PHF21B: variants seen among roughly 807,000 people sequenced by gnomAD.
PHF21B encodes the protein PHD finger protein 4.
PHF21B carries 22 observed loss-of-function variants against 62.2 expected under a neutral mutation model. That is an observed-to-expected ratio of 0.35 (90% CI 0.25 to 0.51). PHF21B has a LOEUF of 0.51. Among genes scored for constraint, PHF21B ranks in the 20% least tolerant of loss-of-function variants. The pLI is 0.97. For synonymous variants in PHF21B, 341 were observed against 314.7 expected, an observed-to-expected ratio of 1.08 and a Z score of -0.88; for missense variants, 701 against 707.9, an observed-to-expected ratio of 0.99 and a Z score of 0.11.
chr22:44,960,745 G>A (rs147544613), intron 2 of PHF21B, among the ~76,000 whole-genome samples: 89 of 152,308 alleles, frequency 5.8e-4, no homozygotes, highest in African/African-American at 2.0e-3. Context: ...AGAGCAAACT[G>A]TCTCAGTAAG....
intron 2 of PHF21B, among the ~76,000 whole-genome samples, chr22:44,964,415 G>A (rs1017119567): frequency 1.3e-5 from 2 of 152,204 alleles, no homozygotes; most frequent in African/African-American, 4.8e-5. Context: ...GTCTCCCACT[G>A]AGCAGCTCAG....
At chr22:44,940,824 TG>T (rs910965839) in intron 2 of PHF21B, among the ~76,000 whole-genome samples, 8 of 151,166 alleles carry the variant, frequency 5.3e-5, no homozygotes, top group Non-Finnish European at 8.9e-5. Flanking sequence ...TGGGCAGGAG[TG>T]GGTGAGATGG....
At position 44,945,728 on chromosome 22, in the gene PHF21B, G is replaced by T. The variant is rs1020519618; in HGVS notation, c.121-25238C>A. On this transcript the variant is annotated intron_variant, in intron 2 of 12. Transcript: ENST00000313237. ...CTGTTGGCAGAATTGGGGGGGGGGT[G>T]GTATAAAGCAGTCCTGCTTACCTTG... Among the ~76,000 whole-genome samples the T allele has an allele frequency of 0.013, 15 of 1,180 alleles. No homozygotes were observed. In the Admixed American group the frequency reaches 0.15, roughly 12 times the overall value. The allele number at this position is 1,180 out of a possible 152,430, so 0.8% of individuals were successfully genotyped here.
rs185713442 is a variant in PHF21B, at chr22:45,006,132, C to T, written c.120+2413G>A. On this transcript the variant is annotated intron_variant, in intron 2 of 12. Coordinates refer to ENST00000313237, the MANE Select transcript of PHF21B (RefSeq NM_138415.5). The stretch of plus-strand genomic sequence containing the variant: ...AACGCAGAGCCTGGGAAAGACAAGG[C>T]GGCTTTATTAGCATGCTGAACCACG... Among the ~76,000 whole-genome samples, 209 of 152,274 alleles carry T rather than the reference C, an allele frequency of 1.4e-3. 1 individual carries two copies. Among genetic ancestry groups the T allele is most frequent in the Admixed American group, 2.7e-3 (42 of 15,306 alleles).
intron 2 of PHF21B, among the ~76,000 whole-genome samples, chr22:44,936,470 G>A (rs764418009): frequency 6.6e-6 from 1 of 152,138 alleles, no homozygotes; most frequent in African/African-American, 2.4e-5. Flanking sequence ...CCAGATCTGC[G>A]TGTGACATCC....
At chr22:45,003,980 TAC>T (rs1266560502) in intron 2 of PHF21B, among the ~76,000 whole-genome samples, 8 of 151,750 alleles carry the variant, frequency 5.3e-5, no homozygotes, top group African/African-American at 1.9e-4. Flanking sequence ...CACACACACA[TAC>T]ATATATACAC....
At position 44,984,709 on chromosome 22, in the gene PHF21B, G is replaced by A. The variant is rs191839963; in HGVS notation, c.120+23836C>T. On this transcript the variant is annotated intron_variant, in intron 2 of 12. Coordinates refer to ENST00000313237, the MANE Select transcript of PHF21B (RefSeq NM_138415.5). The stretch of plus-strand genomic sequence containing the variant: ...TATTAATTTAATTTGTAAGGTGATA[G>A]GACTGCTTATCCTGTTATTTCATGG... Among the ~76,000 whole-genome samples, 250 of 152,336 alleles carry A rather than the reference G, an allele frequency of 1.6e-3. 1 individual carries two copies. Among genetic ancestry groups the A allele is most frequent in the African/African-American group, 5.6e-3 (234 of 41,590 alleles).
At position 44,977,003 on chromosome 22, in the gene PHF21B, T is replaced by C. The variant is rs370616164; in HGVS notation, c.120+31542A>G. ...AGATGCAAAAAAGGTGGCACACTCC[T>C]GTAGTCCCTGCTATTAATACTAGGG... On this transcript the variant is annotated intron_variant, in intron 2 of 12. Coordinates refer to ENST00000313237, the MANE Select transcript of PHF21B (RefSeq NM_138415.5). 7.9e-5 allele frequency among the ~76,000 whole-genome samples: 12 copies of C among 152,180 alleles called. No individual in the cohort carries two copies. The East Asian group carries it at 2.3e-3, about 29-fold the overall frequency.
chr22:44,895,971 C>T (rs2071049653), intron 6 of PHF21B, 61 bp downstream of exon 6: 7 of 1,594,142 alleles, frequency 4.4e-6, no homozygotes, highest in Non-Finnish European at 6.0e-6. Flanking sequence ...ACCTGGCCCC[C>T]AACACCCCGG....
chr22:44,914,610 C>T (rs2071402852), intron 4 of PHF21B, among the ~76,000 whole-genome samples: 1 of 152,228 alleles, frequency 6.6e-6, no homozygotes, highest in Non-Finnish European at 1.5e-5. Context: ...TCCCTCCCCA[C>T]ACCACAGTGC....
chr22:44,900,888 G>A (rs2147272640), intron 5 of PHF21B, among the ~76,000 whole-genome samples: 3 of 151,816 alleles, frequency 2.0e-5, no homozygotes, highest in Non-Finnish European at 4.4e-5. Context: ...TTTCCCCCTG[G>A]AGCACACATC....
chr22:44,999,065 G>A (rs74542230), intron 2 of PHF21B, among the ~76,000 whole-genome samples: 5,444 of 152,224 alleles, frequency 0.036, 127 homozygotes, highest in Middle Eastern at 0.065. Context: ...GTAAAAAACC[G>A]TATAGTACGG....
chr22:44,978,691 C>T (rs1296019781), intron 2 of PHF21B, among the ~76,000 whole-genome samples: 1 of 152,224 alleles, frequency 6.6e-6, no homozygotes. Context: ...TTCTCTGATT[C>T]GGGTAAGGCA....
At chr22:45,007,302 C>T (rs1172877765) in intron 2 of PHF21B, among the ~76,000 whole-genome samples, 1 of 152,018 alleles carries the variant, frequency 6.6e-6, no homozygotes, top group Non-Finnish European at 1.5e-5. Flanking sequence ...AACGCCCGGC[C>T]TCCGAATTCT....
intron 2 of PHF21B, among the ~76,000 whole-genome samples, chr22:45,004,968 G>A (rs537137282): frequency 6.6e-6 from 1 of 152,338 alleles, no homozygotes; most frequent in African/African-American, 2.4e-5. Context: ...TCAAACAGAA[G>A]GCTCTTCCCA....
At chr22:44,971,080 GC>G (rs2072628022) in intron 2 of PHF21B, 1 of 152,170 alleles carries the variant, frequency 6.6e-6, no homozygotes, top group African/African-American at 2.4e-5. Context: ...AAATTCTCAG[GC>G]CCACCCAAGA....
chr22:44,948,181 GTTTATTTCTGTTATTATTACA>G (rs1000717081), intron 2 of PHF21B, among the ~76,000 whole-genome samples: 2 of 152,182 alleles, frequency 1.3e-5, no homozygotes, highest in African/African-American at 4.8e-5. Flanking sequence ...TTATTGTGTA[GTTTATTTCTGTTATTATTACA>G]TTGTAATAGA....
At position 45,009,101 on chromosome 22, in the gene PHF21B, T is replaced by A. The variant is rs1312970906; in HGVS notation, c.54+395A>T. ...GCCAGCAGCGATCGCCAAAACTACTTCTGCACACCGGGCAGGTTCGCCCGG... is the reference window on the plus strand; with the variant it reads ...GCCAGCAGCGATCGCCAAAACTACTACTGCACACCGGGCAGGTTCGCCCGG... On this transcript the variant is annotated intron_variant, in intron 1 of 12. Transcript: ENST00000313237. The surrounding 1 kb of genome is among the most constrained non-coding windows in gnomAD (Gnocchi z 5.9). The A allele has an allele frequency of 1.0e-5, 10 of 957,488 alleles. No homozygotes were observed. The Admixed American group carries it at 2.0e-4, about 19-fold the overall frequency. 59.3% of individuals were successfully genotyped at this position (957,488 alleles called of 1,614,324 possible).
intron 2 of PHF21B, among the ~76,000 whole-genome samples, chr22:44,933,764 CAG>C (rs1219647958): frequency 6.6e-6 from 1 of 151,816 alleles, no homozygotes; most frequent in African/African-American, 2.4e-5. Context: ...GAGACAGAGA[CAG>C]AGAGACAGAC....
Sources: allele counts gnomAD v4.1 joint callset (sites outside exome capture counted in the v4.1 genomes callset), GRCh38; gene constraint gnomAD v4.1.1; non-coding constraint Gnocchi (gnomAD v3.1); transcripts MANE v1.5; gene names NCBI Gene and HGNC (gene_info 2026-07-23, HGNC 2026-07-21).